The following SNAP47 variants were observed in gnomAD, a reference collection of about 807,000 sequenced individuals.
The protein encoded by SNAP47 is synaptosomal-associated protein 47.
SNAP47 carries 20 observed loss-of-function variants against 31.4 expected under a neutral mutation model. That is an observed-to-expected ratio of 0.64 (90% confidence interval 0.45 to 0.93). The LOEUF is 0.93. Among genes scored for constraint, SNAP47 ranks in the 40% least tolerant of loss-of-function variants. SNAP47 has a pLI of 0.00. For synonymous variants in SNAP47, 194 were observed against 213.4 expected, an observed-to-expected ratio of 0.91 and a Z score of 0.79; for missense variants, 492 against 528.5, an observed-to-expected ratio of 0.93 and a Z score of 0.68.
At chr1:227,770,887 A>G (rs1031692700) in intron 4 of SNAP47, 1 of 152,260 alleles carries the variant, frequency 6.6e-6, no homozygotes, top group Non-Finnish European at 1.5e-5. Flanking sequence ...GAGAAGCTGC[A>G]TGGACACCAT....
Position 227,755,853 on chromosome 1 carries a change from TGGA to T in SNAP47, c.498-3137_498-3135del, listed in dbSNP as rs200931247. 6.8e-5 allele frequency among the ~76,000 whole-genome samples: 10 copies of T among 147,440 alleles called. No homozygotes were observed. In the East Asian group the frequency reaches 2.2e-3, roughly 33 times the overall value. ...TGACGTGGAGTTTGTCTGGGACAAT[TGGA>T]GGAGAACCTGGGCCACTGAGTGGCC... On this transcript the variant is annotated intron_variant, in intron 2 of 4. Transcript: ENST00000617596.
chr1:227,765,047 A>AGTT (rs113816453), intron 3 of SNAP47, among the ~76,000 whole-genome samples: 18,897 of 152,194 alleles, frequency 0.12, 1,276 homozygotes, highest in Middle Eastern at 0.22. Context: ...CAAAATAAAT[A>AGTT]GTTGTTGTTT....
At chr1:227,772,233 C>T (rs1385198485) in intron 4 of SNAP47, among the ~76,000 whole-genome samples, 43 of 152,100 alleles carry the variant, frequency 2.8e-4, no homozygotes, top group Non-Finnish European at 4.4e-5. Context: ...ACAAATTTTG[C>T]CATTTTAACC....
chr1:227,758,798 C>T (rs540563305), intron 2 of SNAP47, among the ~76,000 whole-genome samples, 197 bp from the exon 3 acceptor site: 1 of 77,196 alleles, frequency 1.3e-5, no homozygotes, highest in African/African-American at 1.3e-4. Context: ...AATGTTCTCA[C>T]TGCTGGCCCC....
At chr1:227,733,440 C>G, upstream of SNAP47, 2 of 1,580,146 alleles carry the variant, frequency 1.3e-6, no homozygotes, top group Non-Finnish European at 1.7e-6. Context: ...TGGTGCCAGC[C>G]ACTGGGCACA....
At chr1:227,744,671 C>T (rs937239171) in intron 1 of SNAP47, among the ~76,000 whole-genome samples, 1 of 151,600 alleles carries the variant, frequency 6.6e-6, no homozygotes, top group African/African-American at 2.4e-5. Context: ...AACAGAGAGA[C>T]CAATGGCAGA....
At position 227,781,115 on chromosome 1, in the gene SNAP47, T is replaced by C. The variant is rs891736730; in HGVS notation, c.*442T>C. ...AACACCCAACTGTTCTTTTATCGTC[T>C]CGGTTTTAGCCAAAAGTGAAATTAG... On this transcript the variant is annotated 3_prime_UTR_variant, in exon 5 of 5. Coordinates refer to ENST00000617596, the MANE Select transcript of SNAP47 (RefSeq NM_053052.4). 1 of 159,184 alleles carries C rather than the reference T, an allele frequency of 6.3e-6. No homozygotes were observed. Among genetic ancestry groups the C allele is most frequent in the African/African-American group, 2.4e-5 (1 of 41,678 alleles). The allele number at this position is 159,184 out of a possible 1,614,324, so 9.9% of individuals were successfully genotyped here. A position where few individuals can be genotyped will look rare whatever the true frequency, so the allele number is the denominator to read the frequency against.
intron 1 of SNAP47, chr1:227,735,755 G>A (rs1661092787): frequency 1.0e-6 from 1 of 973,872 alleles, no homozygotes; most frequent in East Asian, 1.1e-4. Flanking sequence ...GAGAGCTGGG[G>A]GGCCCTGGGA....
intron 1 of SNAP47, among the ~76,000 whole-genome samples, chr1:227,738,016 G>GT (rs934311415): frequency 5.9e-5 from 9 of 151,696 alleles, no homozygotes; most frequent in African/African-American, 2.2e-4. Flanking sequence ...GTTTTTTTTG[G>GT]TTTTTTTGTT....
chr1:227,766,496 C>T (rs772851428), intron 3 of SNAP47, among the ~76,000 whole-genome samples: 1 of 152,188 alleles, frequency 6.6e-6, no homozygotes, highest in Non-Finnish European at 1.5e-5. Context: ...GCAGCTCTGA[C>T]TCACCTCCCA....
chr1:227,735,375 G>A, upstream of SNAP47: 1 of 1,589,162 alleles, frequency 6.3e-7, no homozygotes. Context: ...CCGCGTTTCT[G>A]CCCCGCCAGC....
At chr1:227,733,280 A>T, upstream of SNAP47, 1 of 1,000,164 alleles carries the variant, frequency 1.0e-6, no homozygotes, top group Non-Finnish European at 1.4e-6. Context: ...CAGCGACACC[A>T]CCTTGTGAAG....
intron 4 of SNAP47, among the ~76,000 whole-genome samples, chr1:227,774,670 T>C (rs975215298): frequency 1.3e-5 from 2 of 152,224 alleles, no homozygotes; most frequent in African/African-American, 4.8e-5. Flanking sequence ...TGGTTCAGGC[T>C]GGGAAGTGGG....
chr1:227,744,449 T>A (rs1047718139), intron 1 of SNAP47, among the ~76,000 whole-genome samples: 6 of 152,242 alleles, frequency 3.9e-5, no homozygotes, highest in Admixed American at 3.9e-4. Flanking sequence ...AGCGTAGAAG[T>A]TAAATTCATT....
chr1:227,734,956 G>A (rs956398670), upstream of SNAP47: 235 of 1,498,826 alleles, frequency 1.6e-4, no homozygotes, highest in Non-Finnish European at 2.0e-4. Flanking sequence ...GGGCCTCCCG[G>A]GCCTGGGTCC....
rs1371004909 is a variant in SNAP47 at position 227,763,260 on chromosome 1, GC to G, written c.989-3698del. Among the ~76,000 whole-genome samples the G allele has an allele frequency of 6.6e-6, 1 of 152,120 alleles. No homozygotes were observed. The highest frequency in any genetic ancestry group is 6.5e-5 in the Admixed American group (1 of 15,274). On this transcript the variant is annotated intron_variant, in intron 3 of 4. Transcript: ENST00000617596. The surrounding 1 kb of genome is among the most constrained non-coding windows in gnomAD (Gnocchi z 4.2). ...GTGAGCCTCTACCCTGCTGTGCACA[GC>G]GTATTTGAAGGCTGTTTGATCACTG...
upstream of SNAP47, chr1:227,735,289 T>C (rs2102872879): frequency 6.2e-7 from 1 of 1,605,812 alleles, no homozygotes. Context: ...TCAGCACGGG[T>C]CGAAGGACCC....
intron 2 of SNAP47, among the ~76,000 whole-genome samples, chr1:227,753,776 C>A (rs1366846622): frequency 6.6e-6 from 1 of 152,022 alleles, no homozygotes; most frequent in Non-Finnish European, 1.5e-5. Context: ...AAGCCAGCCA[C>A]TGAAGCCACG....
chr1:227,776,364 T>C, intron 4 of SNAP47: 3 of 987,820 alleles, frequency 3.0e-6, no homozygotes, highest in Non-Finnish European at 3.6e-6. Context: ...GCACTTTTAA[T>C]CAGGTAGTTT....
Sources: allele counts gnomAD v4.1 joint callset (sites outside exome capture counted in the v4.1 genomes callset), GRCh38; gene constraint gnomAD v4.1.1; non-coding constraint Gnocchi (gnomAD v3.1); transcripts MANE v1.5; gene names NCBI Gene and HGNC (gene_info 2026-07-23, HGNC 2026-07-21).